DOK6: variants seen among roughly 807,000 people sequenced by gnomAD.
DOK6 encodes the protein downstream of tyrosine kinase 6.
DOK6 carries 22 observed loss-of-function variants against 44.0 expected under a neutral mutation model. The ratio of observed to expected loss-of-function variants is 0.50; its 90% CI spans 0.36 to 0.71. The LOEUF (loss-of-function observed/expected upper bound fraction) is 0.71, where lower values mean the gene tolerates loss of function less well. Among genes scored for constraint, DOK6 ranks in the 30% least tolerant of loss-of-function variants. The probability of loss-of-function intolerance (pLI) is 0.00; values close to 1 mark genes in which losing one functional copy is unlikely to be tolerated. For missense variants in DOK6, 340 were observed against 416.4 expected (o/e 0.82, Z 1.60); for synonymous variants, 166 against 145.5 (o/e 1.14, Z -1.01).
chr18:69,799,152 C>A (rs879446787), intron 7 of DOK6, among the ~76,000 whole-genome samples: 1 of 151,922 alleles, frequency 6.6e-6, no homozygotes, highest in African/African-American at 2.4e-5. Context: ...TACTAGTATA[C>A]TGACCTATAA....
intron 2 of DOK6, among the ~76,000 whole-genome samples, chr18:69,597,603 A>G (rs1983774317): frequency 6.6e-6 from 1 of 152,232 alleles, no homozygotes; most frequent in African/African-American, 2.4e-5. Context: ...AAGTGTAGTC[A>G]ACAAGAAAAA....
chr18:69,448,892 A>G (rs1310597995), intron 1 of DOK6, among the ~76,000 whole-genome samples: 1 of 152,230 alleles, frequency 6.6e-6, no homozygotes, highest in African/African-American at 2.4e-5. Flanking sequence ...AATATATTTC[A>G]ATTGCCACAT....
intron 5 of DOK6, among the ~76,000 whole-genome samples, chr18:69,699,040 G>A (rs1986453693): frequency 6.6e-6 from 1 of 151,950 alleles, no homozygotes; most frequent in Non-Finnish European, 1.5e-5. Context: ...TTGCTTTTAG[G>A]CAAATATACT....
chr18:69,820,297 C>T (rs1981530375), intron 7 of DOK6, among the ~76,000 whole-genome samples: 1 of 152,184 alleles, frequency 6.6e-6, no homozygotes, highest in South Asian at 2.1e-4. Flanking sequence ...ATTATGCTTG[C>T]ATTTTCTGCT....
chr18:69,647,188 C>A (rs1407422085), intron 3 of DOK6, among the ~76,000 whole-genome samples: 1 of 151,992 alleles, frequency 6.6e-6, no homozygotes, highest in Non-Finnish European at 1.5e-5. Context: ...TCTATCCATC[C>A]ATCTACCTAT....
chr18:69,615,750 C>T (rs376883630), intron 3 of DOK6, among the ~76,000 whole-genome samples: 22 of 152,266 alleles, frequency 1.4e-4, no homozygotes, highest in African/African-American at 5.1e-4. Flanking sequence ...GCATAACAAA[C>T]CAGAGACAGA....
intron 3 of DOK6, among the ~76,000 whole-genome samples, chr18:69,649,887 A>G (rs1395936653): frequency 6.6e-6 from 1 of 152,188 alleles, no homozygotes. Flanking sequence ...TCTCTTATGC[A>G]ATAATCTTAT....
intron 7 of DOK6, among the ~76,000 whole-genome samples, chr18:69,821,780 A>G (rs1599344065): frequency 1.1e-5 from 1 of 91,770 alleles, no homozygotes; most frequent in South Asian, 5.0e-4. Context: ...TGTTGATAGC[A>G]TGCTATTGTT....
chr18:69,657,870 G>T (rs897848763), intron 3 of DOK6, among the ~76,000 whole-genome samples: 2 of 152,122 alleles, frequency 1.3e-5, no homozygotes, highest in Non-Finnish European at 2.9e-5. Context: ...GTGTGTAGGT[G>T]AGTGGGTGGG....
intron 3 of DOK6, among the ~76,000 whole-genome samples, chr18:69,673,107 ATGAT>A (rs1985844122): frequency 6.6e-6 from 1 of 152,170 alleles, no homozygotes; most frequent in African/African-American, 2.4e-5. Context: ...ACTAGATACA[ATGAT>A]TTATTATTTT....
At chr18:69,728,857 G>A (rs11874687) in intron 5 of DOK6, among the ~76,000 whole-genome samples, 16,149 of 152,172 alleles carry the variant, frequency 0.11, 855 homozygotes, top group Middle Eastern at 0.16. Flanking sequence ...CACAAAAACA[G>A]AAGAAACTTC....
intron 3 of DOK6, among the ~76,000 whole-genome samples, chr18:69,649,160 G>C (rs1985157772): frequency 6.6e-6 from 1 of 152,182 alleles, no homozygotes; most frequent in Non-Finnish European, 1.5e-5. Context: ...AGGGACACTA[G>C]TATTTTTTCC....
chr18:69,736,957 G>A (rs1212724673), intron 5 of DOK6, among the ~76,000 whole-genome samples: 8 of 152,186 alleles, frequency 5.3e-5, no homozygotes, highest in Non-Finnish European at 8.8e-5. Flanking sequence ...CTCCCAGGGA[G>A]GCAGATGCTA....
At chr18:69,791,528 A>G (rs1980597555) in intron 7 of DOK6, among the ~76,000 whole-genome samples, 1 of 151,954 alleles carries the variant, frequency 6.6e-6, no homozygotes, top group South Asian at 2.1e-4. Context: ...CTTTTCATAC[A>G]CCTGTTTGCC....
At chr18:69,781,163 A>G (rs1384848031) in intron 7 of DOK6, 7 of 152,160 alleles carry the variant, frequency 4.6e-5, no homozygotes, top group African/African-American at 7.2e-5. Flanking sequence ...GTCAGAAGAC[A>G]GTTTTTTCTA....
intron 1 of DOK6, among the ~76,000 whole-genome samples, chr18:69,527,920 C>CTT (rs1568286157): frequency 5.3e-5 from 8 of 152,010 alleles, no homozygotes; most frequent in Admixed American, 2.6e-4. Context: ...CCCAGCAATG[C>CTT]TGGGAGGCCA....
At chr18:69,774,133 G>GATATATATATATATATATAT (rs111360276) in intron 7 of DOK6, among the ~76,000 whole-genome samples, 4,344 of 66,444 alleles carry the variant, frequency 0.065, 552 homozygotes, top group East Asian at 0.1. Context: ...ATATATATGA[G>GATATATATATATATATATAT]ATATATATAT....
intron 2 of DOK6, among the ~76,000 whole-genome samples, chr18:69,583,642 C>G (rs1238421239): frequency 6.6e-6 from 1 of 151,456 alleles, no homozygotes; most frequent in African/African-American, 2.4e-5. Flanking sequence ...ATAGGCCAGG[C>G]ATGGTGAAGC....
chr18:69,732,566 C>T (rs1397680932), intron 5 of DOK6, among the ~76,000 whole-genome samples: 2 of 151,780 alleles, frequency 1.3e-5, no homozygotes, highest in Non-Finnish European at 2.9e-5. Context: ...CTCAACTAGT[C>T]GTCTTATTGA....
Sources: allele counts gnomAD v4.1 joint callset (sites outside exome capture counted in the v4.1 genomes callset), GRCh38; gene constraint gnomAD v4.1.1; transcripts MANE v1.5; gene names NCBI Gene and HGNC (gene_info 2026-07-23, HGNC 2026-07-21).